RYR2: variants seen among roughly 807,000 people sequenced by gnomAD.
RYR2 encodes the protein cardiac muscle ryanodine receptor-calcium release channel.
A neutral mutation model predicts 601.1 loss-of-function variants in RYR2; 227 were observed. The ratio of observed to expected loss-of-function variants is 0.38; its 90% CI spans 0.34 to 0.42. The LOEUF (loss-of-function observed/expected upper bound fraction) is 0.42. RYR2 is among the 10% of genes least tolerant of loss of function. The pLI, the probability that RYR2 is intolerant of heterozygous loss-of-function variation, is 1.00. For synonymous variants in RYR2, 2,223 were observed against 2,175.1 expected (o/e 1.02, Z -0.61); for missense variants, 4,646 against 6,156.5 (o/e 0.75, Z 8.21).
In RYR2 at chr1:237,631,500, A is replaced by G; in HGVS notation, c.6514A>G (p.Met2172Val). Reference protein sequence around the residue: ...MRALGMHETVMEVMVNVLGGG... With the variant: ...MRALGMHETVVEVMVNVLGGG... ...GGCACTGGGGATGCACGAGACTGTG[A>G]TGGAGGTCATGGTGAACGTCCTTGG... Residue 2172 changes from methionine to valine, a missense_variant, in exon 42 of 105, where the codon ATG becomes GTG. Physicochemically the swap from Met to Val is conservative, Grantham distance 21 (BLOSUM62 1). Transcript: ENST00000366574. 1 of 1,598,924 alleles carries G rather than the reference A, an allele frequency of 6.3e-7. No homozygotes were observed. Among genetic ancestry groups the G allele is most frequent in the Non-Finnish European group, 8.5e-7 (1 of 1,170,530 alleles).
At chr1:237,433,852 A>C (rs2150112143) in intron 12 of RYR2, among the ~76,000 whole-genome samples, 1 of 152,288 alleles carries the variant, frequency 6.6e-6, no homozygotes, top group South Asian at 2.1e-4. Context: ...GAGTACTTAC[A>C]TTATGAAAGG....
At chr1:237,397,674 G>C (rs1006980511) in intron 10 of RYR2, among the ~76,000 whole-genome samples, 2 of 151,846 alleles carry the variant, frequency 1.3e-5, no homozygotes, top group Non-Finnish European at 2.9e-5. Flanking sequence ...AGGGGTAGGG[G>C]ACTTAACACT....
chr1:237,454,716 A>G (rs761740877), intron 15 of RYR2, 142 bp downstream of exon 15: 94 of 688,750 alleles, frequency 1.4e-4, no homozygotes, highest in Non-Finnish European at 2.2e-4. Flanking sequence ...CAGGAGAAAC[A>G]GGCCTTAGAG....
intron 1 of RYR2, among the ~76,000 whole-genome samples, chr1:237,108,508 C>T (rs982293001): frequency 6.6e-6 from 1 of 152,224 alleles, no homozygotes; most frequent in African/African-American, 2.4e-5. Context: ...CAGAACCTTG[C>T]AGCCTGCAGA....
chr1:237,191,093 G>A (rs1023557033), intron 1 of RYR2, among the ~76,000 whole-genome samples: 1 of 152,092 alleles, frequency 6.6e-6, no homozygotes, highest in African/African-American at 2.4e-5. Flanking sequence ...TTTGTATATG[G>A]TATAAGGTGT....
At chr1:237,107,814 G>A (rs987260244) in intron 1 of RYR2, among the ~76,000 whole-genome samples, 3 of 152,152 alleles carry the variant, frequency 2.0e-5, no homozygotes, top group South Asian at 2.1e-4. Context: ...CCAGAAGCAC[G>A]TCACACGTGT....
At chr1:237,761,460 A>G (rs1693429724) in intron 84 of RYR2, among the ~76,000 whole-genome samples, 1 of 152,166 alleles carries the variant, frequency 6.6e-6, no homozygotes. Flanking sequence ...GTCTACTCTC[A>G]TTCCTATTCC....
At chr1:237,277,976 A>G (rs1042903901) in intron 2 of RYR2, among the ~76,000 whole-genome samples, 16 of 152,204 alleles carry the variant, frequency 1.1e-4, no homozygotes, top group African/African-American at 3.6e-4. Context: ...ATGTGCTAAT[A>G]AATTAATTTC....
chr1:237,267,255 A>C (rs1253239614), intron 1 of RYR2, among the ~76,000 whole-genome samples: 1 of 152,228 alleles, frequency 6.6e-6, no homozygotes, highest in African/African-American at 2.4e-5. Context: ...GCAGTGGCCC[A>C]CGCCTGTAAT....
intron 4 of RYR2, among the ~76,000 whole-genome samples, chr1:237,360,123 T>C (rs1252773031): frequency 3.9e-5 from 6 of 152,254 alleles, no homozygotes; most frequent in African/African-American, 1.4e-4. Context: ...TGCTATTATG[T>C]GAGAACCTGC....
intron 5 of RYR2, among the ~76,000 whole-genome samples, chr1:237,364,968 A>T (rs554541111): frequency 6.6e-6 from 1 of 152,350 alleles, no homozygotes; most frequent in South Asian, 2.1e-4. Context: ...TTGTAAAAGT[A>T]GACAAATGAA....
intron 73 of RYR2, among the ~76,000 whole-genome samples, chr1:237,722,148 C>T (rs1573670828): frequency 6.6e-6 from 1 of 152,036 alleles, no homozygotes; most frequent in Admixed American, 6.5e-5. Context: ...TAAAAGTAAA[C>T]ATAGAAATCT....
At chr1:237,580,493 G>C (rs1673791090) in intron 29 of RYR2, among the ~76,000 whole-genome samples, 1 of 151,438 alleles carries the variant, frequency 6.6e-6, no homozygotes, top group Non-Finnish European at 1.5e-5. Flanking sequence ...ATGAAGAAAT[G>C]CCTTAAGGGG....
rs1023696285 is a variant in RYR2 at position 237,469,123 on chromosome 1, T to C, written c.1644T>C (p.Cys548=). Reference sequence around the variant, plus strand: ...TAATTAGAGGAAATCGTAAAAACTGTGCTCAATTTTCTGGCTCCCTCGACT... The same window carrying C: ...TAATTAGAGGAAATCGTAAAAACTGCGCTCAATTTTCTGGCTCCCTCGACT... ...AALIRGNRKN[C]AQFSGSLDWL... Residue 548 remains cysteine, a synonymous_variant, in exon 17 of 105, where the codon TGT becomes TGC. Transcript: ENST00000366574. The C allele has an allele frequency of 6.2e-7, 1 of 1,613,348 alleles. No individual in the cohort carries two copies. The highest frequency in any genetic ancestry group is 1.7e-5 in the Admixed American group (1 of 59,980).
At chr1:237,156,758 ATCC>A (rs1183921002) in intron 1 of RYR2, among the ~76,000 whole-genome samples, 1 of 152,228 alleles carries the variant, frequency 6.6e-6, no homozygotes, top group Non-Finnish European at 1.5e-5. Context: ...CAAGGGTTCA[ATCC>A]TCCCATGATC....
chr1:237,232,276 G>A (rs866348569), intron 1 of RYR2, among the ~76,000 whole-genome samples: 24 of 152,234 alleles, frequency 1.6e-4, no homozygotes, highest in Middle Eastern at 3.4e-3. Context: ...CCAACACCCC[G>A]GGGAGGGGGA....
At chr1:237,652,376 C>T (rs1198220507) in intron 51 of RYR2, among the ~76,000 whole-genome samples, 1 of 152,034 alleles carries the variant, frequency 6.6e-6, no homozygotes, top group Non-Finnish European at 1.5e-5. Context: ...AATCTAGACT[C>T]AGAATATAGA....
intron 103 of RYR2, among the ~76,000 whole-genome samples, chr1:237,831,159 C>G (rs1004451178): frequency 6.6e-6 from 1 of 151,910 alleles, no homozygotes; most frequent in Admixed American, 6.6e-5. Context: ...GAAGAGATGC[C>G]GAGTAGCATT....
intron 96 of RYR2, among the ~76,000 whole-genome samples, chr1:237,795,634 C>T (rs964699119): frequency 1.9e-5 from 2 of 107,272 alleles, no homozygotes; most frequent in South Asian, 3.5e-4. Flanking sequence ...TATTTTTAGT[C>T]GAGATGGGGT....
Sources: allele counts gnomAD v4.1 joint callset (sites outside exome capture counted in the v4.1 genomes callset), GRCh38; gene constraint gnomAD v4.1.1; transcripts MANE v1.5; gene names NCBI Gene and HGNC (gene_info 2026-07-23, HGNC 2026-07-21).